Variants in DNMBP observed in about 807,000 individuals in gnomAD.
The protein encoded by DNMBP is dynamin binding protein.
DNMBP carries 87 observed loss-of-function variants against 150.0 expected under a neutral mutation model. The ratio of observed to expected loss-of-function variants is 0.58; its 90% CI spans 0.49 to 0.69. The LOEUF is 0.69. Ranked by LOEUF, DNMBP falls within the 30% of genes least tolerant of loss-of-function variation. The pLI, the probability that DNMBP is intolerant of heterozygous loss-of-function variation, is 0.00. For missense variants in DNMBP, 1,774 were observed against 1,949.0 expected, an observed-to-expected ratio of 0.91 and a Z score of 1.69; for synonymous variants, 711 against 750.4, an observed-to-expected ratio of 0.95 and a Z score of 0.86.
intron 4 of DNMBP, among the ~76,000 whole-genome samples, chr10:99,935,087 C>CAAAAAAAA (rs71009790): frequency 3.1e-4 from 15 of 48,540 alleles, no homozygotes; most frequent in East Asian, 8.3e-4. Flanking sequence ...CCTGTCTCCA[C>CAAAAAAAA]AAAAAAAAAA....
chr10:99,884,313 AG>A, intron 14 of DNMBP, 104 bp from the exon 15 acceptor site: 1 of 989,184 alleles, frequency 1.0e-6, no homozygotes. Flanking sequence ...AGGGACAGTC[AG>A]TCACTGCCCA....
At chr10:99,914,187 A>C in intron 4 of DNMBP, 2 of 1,183,390 alleles carry the variant, frequency 1.7e-6, no homozygotes, top group Non-Finnish European at 2.2e-6. Flanking sequence ...TGGACTGAGA[A>C]GTGCACCAGC....
At chr10:99,904,428 TTCTC>T (rs1564726236) in intron 6 of DNMBP, among the ~76,000 whole-genome samples, 2 of 152,088 alleles carry the variant, frequency 1.3e-5, no homozygotes, top group Non-Finnish European at 2.9e-5. Flanking sequence ...TGCTTGATCA[TTCTC>T]TATCTCAGCC....
At chr10:99,901,998 G>A (rs1441772021) in intron 6 of DNMBP, among the ~76,000 whole-genome samples, 1 of 151,924 alleles carries the variant, frequency 6.6e-6, no homozygotes, top group African/African-American at 2.4e-5. Flanking sequence ...CACCTCCTGG[G>A]CTCAAGTGAT....
At chr10:99,914,014 G>C (rs2039933665) in intron 4 of DNMBP, 2 of 1,509,214 alleles carry the variant, frequency 1.3e-6, no homozygotes, top group African/African-American at 2.8e-5. Context: ...AGGCGGGACA[G>C]AATCTTCCCA....
chr10:99,996,531 T>C (rs2133383180), intron 1 of DNMBP, among the ~76,000 whole-genome samples: 1 of 152,204 alleles, frequency 6.6e-6, no homozygotes, highest in East Asian at 1.9e-4. Flanking sequence ...ATTAAAAAAA[T>C]AAAATTCAAC....
At chr10:99,888,783 A>C in intron 12 of DNMBP, 42 bp downstream of exon 12, 1 of 1,611,642 alleles carries the variant, frequency 6.2e-7, no homozygotes, top group Non-Finnish European at 8.5e-7. Context: ...ATTTGAGATG[A>C]CCCTGGGAAG....
intron 4 of DNMBP, among the ~76,000 whole-genome samples, chr10:99,922,447 G>A (rs954022314): frequency 3.5e-5 from 5 of 142,858 alleles, no homozygotes; most frequent in African/African-American, 1.3e-4. Flanking sequence ...GGAATGTTAT[G>A]TAAAAATAAC....
At chr10:99,934,739 G>A (rs1443432280) in intron 4 of DNMBP, among the ~76,000 whole-genome samples, 1 of 126,580 alleles carries the variant, frequency 7.9e-6, no homozygotes, top group Non-Finnish European at 1.7e-5. Flanking sequence ...GAAATAATGC[G>A]TGGGGACAAG....
At chr10:99,984,959 C>G (rs2040815270) in intron 1 of DNMBP, among the ~76,000 whole-genome samples, 1 of 152,286 alleles carries the variant, frequency 6.6e-6, no homozygotes, top group African/African-American at 2.4e-5. Context: ...CCAGGCTGGT[C>G]TTGAACTCGT....
At chr10:99,998,327 CAA>C (rs2040973510) in intron 1 of DNMBP, among the ~76,000 whole-genome samples, 1 of 151,856 alleles carries the variant, frequency 6.6e-6, no homozygotes, top group Non-Finnish European at 1.5e-5. Context: ...CCTGTAATCC[CAA>C]CACTTTGGGA....
intron 4 of DNMBP, among the ~76,000 whole-genome samples, chr10:99,939,703 T>A (rs916780506): frequency 6.6e-6 from 1 of 152,240 alleles, no homozygotes; most frequent in Non-Finnish European, 1.5e-5. Flanking sequence ...GATATAGACA[T>A]AAAGGATTAC....
chr10:99,903,985 G>A (rs184643484), intron 6 of DNMBP, among the ~76,000 whole-genome samples: 9 of 151,126 alleles, frequency 6.0e-5, no homozygotes, highest in Admixed American at 3.3e-4. Flanking sequence ...CAGAACTCCT[G>A]GGCTCACATG....
chr10:99,910,177 C>T (rs1173782849), intron 4 of DNMBP, among the ~76,000 whole-genome samples: 1 of 152,234 alleles, frequency 6.6e-6, no homozygotes, highest in Non-Finnish European at 1.5e-5. Flanking sequence ...GTTCAAACTA[C>T]TTAAGGAAAG....
At chr10:99,895,361 A>C (rs1208758004) in intron 10 of DNMBP, among the ~76,000 whole-genome samples, 1 of 152,162 alleles carries the variant, frequency 6.6e-6, no homozygotes, top group Non-Finnish European at 1.5e-5. Context: ...TCCTGATCTC[A>C]GGTGATCCAC....
At chr10:99,995,048 T>C (rs2040936590) in intron 1 of DNMBP, among the ~76,000 whole-genome samples, 1 of 148,114 alleles carries the variant, frequency 6.8e-6, no homozygotes, top group African/African-American at 2.5e-5. Flanking sequence ...GTGCCCAGCT[T>C]GAAAACAATT....
chr10:99,986,905 A>T lies in DNMBP; in HGVS notation c.-10-14771T>A, dbSNP rs148499936. ...GCACGTGGCTCACACCTATAATCCC[A>T]GCACTTTGGGAGGCCGAGGCGGGCG... On this transcript the variant is annotated intron_variant, in intron 1 of 16. Transcript: ENST00000324109. Among the ~76,000 whole-genome samples, 1,283 of 152,312 alleles carry T rather than the reference A, an allele frequency of 8.4e-3. 18 individuals are homozygous for T. Among genetic ancestry groups the T allele is most frequent in the Middle Eastern group, 0.044 (13 of 294 alleles).
Position 99,955,101 on chromosome 10 carries a change from A to G in DNMBP, c.2260+113T>C, listed in dbSNP as rs1589436819. On this transcript the variant is annotated intron_variant, in intron 4 of 16. Coordinates refer to ENST00000324109, the MANE Select transcript of DNMBP (RefSeq NM_015221.4). ...AAAGAAATTAGGTAATGAAAATGTA[A>G]ATCATTTTTTGTCCATCGAGGATGG... 6.8e-6 allele frequency: 6 copies of G among 883,414 alleles called. No individual in the cohort carries two copies. In the East Asian group the frequency reaches 1.2e-4, roughly 18 times the overall value. The allele number at this position is 883,414 out of a possible 1,614,324, so 54.7% of individuals were successfully genotyped here. A position where few individuals can be genotyped will look rare whatever the true frequency, so the allele number is the denominator to read the frequency against.
intron 12 of DNMBP, among the ~76,000 whole-genome samples, chr10:99,887,743 C>T (rs921484073): frequency 2.6e-5 from 4 of 152,156 alleles, no homozygotes; most frequent in African/African-American, 9.7e-5. Context: ...CTATCAAACC[C>T]CATCCAGTTT....
Sources: allele counts gnomAD v4.1 joint callset (sites outside exome capture counted in the v4.1 genomes callset), GRCh38; gene constraint gnomAD v4.1.1; transcripts MANE v1.5; gene names NCBI Gene and HGNC (gene_info 2026-07-23, HGNC 2026-07-21).